The following MAML3 variants were observed in gnomAD, a reference collection of about 807,000 sequenced individuals.
The protein encoded by MAML3 is mastermind-like protein 3.
MAML3 carries 27 observed loss-of-function variants against 101.9 expected under a neutral mutation model. The observed-to-expected ratio is 0.27, with a 90% confidence interval of 0.20 to 0.37. The LOEUF (loss-of-function observed/expected upper bound fraction) is 0.37, where lower values mean the gene tolerates loss of function less well. Ranked by LOEUF, MAML3 falls within the 10% of genes least tolerant of loss-of-function variation. MAML3 has a pLI of 1.00. For synonymous variants in MAML3, 501 were observed against 555.9 expected (o/e 0.90, Z 1.39); for missense variants, 1,316 against 1,444.9 (o/e 0.91, Z 1.45).
At chr4:140,111,572 T>C (rs1041698605) in intron 1 of MAML3, among the ~76,000 whole-genome samples, 9 of 152,208 alleles carry the variant, frequency 5.9e-5, no homozygotes, top group Non-Finnish European at 8.8e-5. Context: ...CTTCCCCTTA[T>C]AGTGGAATTT....
At chr4:139,974,161 A>G (rs1578624236) in intron 1 of MAML3, among the ~76,000 whole-genome samples, 3 of 146,654 alleles carry the variant, frequency 2.0e-5, no homozygotes, top group South Asian at 4.3e-4. Context: ...GCTGGAGTGC[A>G]GTGGCGCTAT....
At position 140,072,670 on chromosome 4, in the gene MAML3, C is replaced by CA. The variant is rs11351354; in HGVS notation, c.468+80189dup. ...GGGCAACAAGAGCAAAACTCCGTCT[C>CA]AAAAAAAAAAAAAAAAAGTATACAG... On this transcript the variant is annotated intron_variant, in intron 1 of 4. Coordinates refer to ENST00000509479, the MANE Select transcript of MAML3 (RefSeq NM_018717.5). Among the ~76,000 whole-genome samples, 865 of 111,904 alleles carry CA rather than the reference C, an allele frequency of 7.7e-3. 4 individuals carry two copies. The highest frequency in any genetic ancestry group is 0.01 in the African/African-American group (314 of 30,176). 73.4% of individuals were successfully genotyped at this position (111,904 alleles called of 152,430 possible).
intron 1 of MAML3, among the ~76,000 whole-genome samples, chr4:139,914,746 C>A (rs1252042854): frequency 6.6e-6 from 1 of 152,132 alleles, no homozygotes; most frequent in Non-Finnish European, 1.5e-5. Flanking sequence ...GAAGATGAAA[C>A]CAACTGGAAT....
Position 140,011,337 on chromosome 4 carries a change from G to GTTTTTTTTTTTTTTTT in MAML3, c.469-120371_469-120370insAAAAAAAAAAAAAAAA, listed in dbSNP as rs1394373852. Reference sequence around the variant, plus strand: ...GATTGGTTTTACTCAAGGTTTTCTTGTTTTGTTTTTTTTTTTTTGAGACGG... The same window carrying GTTTTTTTTTTTTTTTT: ...GATTGGTTTTACTCAAGGTTTTCTTGTTTTTTTTTTTTTTTTTTTTGTTTTTTTTTTTTTGAGACGG... On this transcript the variant is annotated intron_variant, in intron 1 of 4. Transcript: ENST00000509479. 1.8e-5 allele frequency among the ~76,000 whole-genome samples: 2 copies of GTTTTTTTTTTTTTTTT among 109,816 alleles called. 1 individual carries two copies. Among genetic ancestry groups the GTTTTTTTTTTTTTTTT allele is most frequent in the Non-Finnish European group, 3.9e-5 (2 of 51,502 alleles). 72.0% of individuals were successfully genotyped at this position (109,816 alleles called of 152,430 possible).
At position 139,735,199 on chromosome 4, in the gene MAML3, G is replaced by A. The variant is rs962804172; in HGVS notation, c.2080-4532C>T. 9.2e-5 allele frequency among the ~76,000 whole-genome samples: 14 copies of A among 152,234 alleles called. No homozygotes were observed. Among genetic ancestry groups the A allele is most frequent in the African/African-American group, 3.1e-4 (13 of 41,460 alleles). ...ACCGAGCAGATGGTGTTCGCACGGC[G>A]TGATGGACATCACACACGACAGCCT... On this transcript the variant is annotated intron_variant, in intron 2 of 4. Transcript: ENST00000509479. This position sits in a 1 kb window ranked among gnomAD's most constrained non-coding sequence, Gnocchi z 5.8.
At chr4:139,915,146 A>G (rs929882319) in intron 1 of MAML3, among the ~76,000 whole-genome samples, 1 of 152,198 alleles carries the variant, frequency 6.6e-6, no homozygotes, top group Non-Finnish European at 1.5e-5. Context: ...AATATTCTGG[A>G]TAGTTTATTA....
chr4:139,982,365 A>G (rs796759425), intron 1 of MAML3, among the ~76,000 whole-genome samples: 2 of 152,116 alleles, frequency 1.3e-5, no homozygotes, highest in South Asian at 4.1e-4. Context: ...CTGTTACAAG[A>G]TATTTCAGGC....
chr4:140,132,983 A>C (rs1458588471), intron 1 of MAML3: 1 of 354,360 alleles, frequency 2.8e-6, no homozygotes, highest in Non-Finnish European at 5.6e-6. Context: ...ACAAAATGTG[A>C]GTGCTGACTA....
intron 2 of MAML3, among the ~76,000 whole-genome samples, chr4:139,732,573 G>C (rs1372869782): frequency 3.1e-5 from 1 of 32,524 alleles, no homozygotes; most frequent in Non-Finnish European, 6.3e-5. Context: ...GAACTAGAAC[G>C]CTATTTTTTT....
intron 1 of MAML3, among the ~76,000 whole-genome samples, chr4:140,144,098 T>C (rs1291124230): frequency 2.6e-5 from 4 of 152,102 alleles, no homozygotes; most frequent in Non-Finnish European, 5.9e-5. Context: ...ACGGGTGTAA[T>C]CTCTTGTAGG....
intron 1 of MAML3, among the ~76,000 whole-genome samples, chr4:139,904,818 C>T (rs1232322493): frequency 6.6e-6 from 1 of 152,214 alleles, no homozygotes; most frequent in Non-Finnish European, 1.5e-5. Context: ...TGCTAGGCTA[C>T]AAACCTGTAC....
intron 2 of MAML3, among the ~76,000 whole-genome samples, chr4:139,844,786 G>C (rs1243063976): frequency 6.6e-6 from 1 of 152,232 alleles, no homozygotes; most frequent in Non-Finnish European, 1.5e-5. Context: ...CATAAAATGA[G>C]ACCAGAAGAC....
intron 1 of MAML3, among the ~76,000 whole-genome samples, chr4:140,120,612 T>C (rs1396616468): frequency 6.6e-6 from 1 of 152,256 alleles, no homozygotes; most frequent in Non-Finnish European, 1.5e-5. Context: ...ATTTTAGATA[T>C]AGTTAGTCCA....
At chr4:139,846,493 G>A (rs1731448513) in intron 2 of MAML3, among the ~76,000 whole-genome samples, 3 of 152,016 alleles carry the variant, frequency 2.0e-5, no homozygotes, top group South Asian at 2.1e-4. Flanking sequence ...GACTATAGGC[G>A]TGCACCACCA....
intron 1 of MAML3, among the ~76,000 whole-genome samples, chr4:139,971,637 T>G (rs889451095): frequency 1.3e-5 from 2 of 152,210 alleles, no homozygotes; most frequent in Non-Finnish European, 2.9e-5. Flanking sequence ...TAATTTTAAT[T>G]TTTTTTCTTA....
intron 2 of MAML3, among the ~76,000 whole-genome samples, chr4:139,804,645 T>C (rs964087787): frequency 6.6e-6 from 1 of 152,366 alleles, no homozygotes; most frequent in Middle Eastern, 3.4e-3. Context: ...GGTCTGCTTA[T>C]ACTCTAAAAT....
intron 3 of MAML3, among the ~76,000 whole-genome samples, chr4:139,726,480 AG>A (rs1018083510): frequency 6.6e-6 from 1 of 152,166 alleles, no homozygotes; most frequent in African/African-American, 2.4e-5. Context: ...TGCTGAGGGA[AG>A]GGGTTTTGAC....
In MAML3 at chr4:139,889,392, G is replaced by C. The variant is rs144325298; in HGVS notation, c.2044C>G (p.Pro682Ala). The change falls in exon 2 of 5, where the codon CCC becomes GCC. Residue 682 changes from proline (P) to alanine (A), a missense_variant. Pro to Ala is a conservative substitution (Grantham distance 27). Coordinates refer to ENST00000509479, the MANE Select transcript of MAML3 (RefSeq NM_018717.5). Reference sequence around the variant, plus strand: ...GATGGAAGTGCAGCGTAAGCCATGGGCTGATTCATCACTCCTTTCTGCTTC... The same window carrying C: ...GATGGAAGTGCAGCGTAAGCCATGGCCTGATTCATCACTCCTTTCTGCTTC... ...LMKQKGVMNQ[P>A]MAYAALPSHG... 1.7e-4 allele frequency: 274 copies of C among 1,614,058 alleles called. No homozygotes were observed. The African/African-American group carries it at 3.3e-3, about 20-fold the overall frequency.
chr4:140,011,020 C>A (rs1726543222), intron 1 of MAML3, among the ~76,000 whole-genome samples: 1 of 150,340 alleles, frequency 6.7e-6, no homozygotes, highest in South Asian at 2.1e-4. Flanking sequence ...TTGCTTGAAC[C>A]CAGGAGGCGG....
Sources: gnomAD v4.1 joint callset for allele counts (sites outside exome capture counted in the v4.1 genomes callset) on GRCh38, gnomAD v4.1.1 for gene constraint, Gnocchi (gnomAD v3.1) non-coding constraint, MANE v1.5 for transcripts, NCBI Gene and HGNC (gene_info 2026-07-23, HGNC 2026-07-21) for gene names.